STX7: variants seen among roughly 807,000 people sequenced by gnomAD.
The protein encoded by STX7 is syntaxin-7.
STX7 carries 34 observed loss-of-function variants against 39.6 expected under a neutral mutation model. The ratio of observed to expected loss-of-function variants is 0.86; its 90% confidence interval spans 0.65 to 1.14. The LOEUF is 1.14. STX7 is among the 50% of genes most tolerant of loss of function. STX7 has a pLI of 0.00. For synonymous variants in STX7, 119 were observed against 99.1 expected (o/e 1.20, Z -1.19); for missense variants, 284 against 310.4 (o/e 0.92, Z 0.64).
At chr6:132,480,074 C>G (rs1037808301) in intron 2 of STX7, among the ~76,000 whole-genome samples, 1 of 152,094 alleles carries the variant, frequency 6.6e-6, no homozygotes, top group Non-Finnish European at 1.5e-5. Flanking sequence ...TGTGGCCCGT[C>G]CCCACTCCCC....
At chr6:132,493,271 C>T (rs991528418) in intron 2 of STX7, among the ~76,000 whole-genome samples, 1 of 152,042 alleles carries the variant, frequency 6.6e-6, no homozygotes, top group African/African-American at 2.4e-5. Flanking sequence ...AACTAATAGG[C>T]ACACCAATTA....
chr6:132,457,638 C>T lies in STX7; in HGVS notation c.*3120G>A, dbSNP rs898472262. ...TAAAAAGGCCTGGGATTCACAGGCT[C>T]ATTTTTTGTTTTAACTGAATCATGA... is the stretch of plus-strand genomic sequence containing the variant. On this transcript the variant is annotated 3_prime_UTR_variant, in exon 10 of 10. Transcript: ENST00000367941. The T allele has an allele frequency of 1.4e-4, 22 of 152,004 alleles. No individual in the cohort carries two copies. The highest frequency in any genetic ancestry group is 5.3e-4 in the African/African-American group (22 of 41,384). 9.4% of individuals were successfully genotyped at this position (152,004 alleles called of 1,614,324 possible).
intron 9 of STX7, among the ~76,000 whole-genome samples, chr6:132,463,337 T>C (rs1175751624): frequency 6.6e-6 from 1 of 152,254 alleles, no homozygotes; most frequent in Non-Finnish European, 1.5e-5. Context: ...CTTATCCAAT[T>C]TGAACATCAA....
intron 8 of STX7, among the ~76,000 whole-genome samples, chr6:132,466,277 C>G (rs1173826764): frequency 6.6e-6 from 1 of 152,178 alleles, no homozygotes; most frequent in Non-Finnish European, 1.5e-5. Context: ...GTTCTGGAAG[C>G]ACTTTTTTTC....
At chr6:132,503,762 G>T (rs1229272090) in intron 1 of STX7, among the ~76,000 whole-genome samples, 174 bp from the exon 2 acceptor site, 2 of 151,294 alleles carry the variant, frequency 1.3e-5, no homozygotes, top group African/African-American at 4.8e-5. Context: ...AAAAAAAACT[G>T]GACTTCAAAG....
chr6:132,463,870 G>A, intron 9 of STX7, 123 bp downstream of exon 9: 1 of 880,732 alleles, frequency 1.1e-6, no homozygotes. Context: ...TCTTCCATGG[G>A]ATTTTAAATT....
intron 2 of STX7, among the ~76,000 whole-genome samples, chr6:132,501,410 A>C (rs4895940): frequency 0.077 from 11,729 of 151,962 alleles, 559 homozygotes; most frequent in East Asian, 0.15. Context: ...TCATAGCCAG[A>C]CCTTCACATG....
rs116800560 is a variant in STX7, at chr6:132,496,895, A to G, written c.85+6551T>C. ...CTCTGATTCTAATCAGAGAATTGCA[A>G]AGTAAATCATGAGAAACCTATGACT... On this transcript the variant is annotated intron_variant, in intron 2 of 9. Transcript: ENST00000367941. Among the ~76,000 whole-genome samples the G allele has an allele frequency of 7.8e-3, 1,185 of 152,284 alleles. 15 individuals carry two copies. Among genetic ancestry groups the G allele is most frequent in the African/African-American group, 0.027 (1,134 of 41,560 alleles).
At chr6:132,473,365 T>C (rs1347863779) in intron 3 of STX7, among the ~76,000 whole-genome samples, 3 of 152,188 alleles carry the variant, frequency 2.0e-5, no homozygotes, top group Non-Finnish European at 4.4e-5. Flanking sequence ...AAGTCCCTGA[T>C]ATAAAAAGGT....
intron 2 of STX7, among the ~76,000 whole-genome samples, chr6:132,475,994 G>A (rs1219882170): frequency 1.3e-5 from 2 of 152,016 alleles, no homozygotes; most frequent in Non-Finnish European, 2.9e-5. Context: ...TAAAAATTGT[G>A]AGGAAATAAG....
chr6:132,506,091 AT>A (rs891734780), intron 1 of STX7, among the ~76,000 whole-genome samples: 1 of 150,706 alleles, frequency 6.6e-6, no homozygotes, highest in African/African-American at 2.4e-5. Context: ...AAAAAAAAAA[AT>A]CGACTCAAGA....
At chr6:132,482,282 G>A (rs77245634) in intron 2 of STX7, among the ~76,000 whole-genome samples, 3,637 of 152,218 alleles carry the variant, frequency 0.024, 135 homozygotes, top group African/African-American at 0.082. Context: ...GCTTCTGAAC[G>A]TGAACATTAA....
At chr6:132,504,961 G>T (rs1248710038) in intron 1 of STX7, among the ~76,000 whole-genome samples, 1 of 152,218 alleles carries the variant, frequency 6.6e-6, no homozygotes, top group East Asian at 1.9e-4. Flanking sequence ...TTTACAAAAG[G>T]AAGGGAAGGT....
chr6:132,498,785 T>C (rs572736013), intron 2 of STX7, among the ~76,000 whole-genome samples: 1 of 152,350 alleles, frequency 6.6e-6, no homozygotes, highest in South Asian at 2.1e-4. Context: ...GATTTCTGCA[T>C]AGCCCTTATC....
Position 132,447,790 on chromosome 6 carries a change from T to TG in STX7, c.*12967dup, listed in dbSNP as rs1489668415. On this transcript the variant is annotated 3_prime_UTR_variant, in exon 10 of 10. Coordinates refer to ENST00000367941, the MANE Select transcript of STX7 (RefSeq NM_003569.3). ...CTTTCTCTGTCCTTGTACTGTCTTT[T>TG]GTAAACTGTATATATTGAACAAGGT... 1 of 152,132 alleles carries TG rather than the reference T, an allele frequency of 6.6e-6. No individual in the cohort carries two copies. The allele number at this position is 152,132 out of a possible 1,614,324, so 9.4% of individuals were successfully genotyped here.
chr6:132,489,607 G>A (rs1247594745), intron 2 of STX7, among the ~76,000 whole-genome samples: 13 of 152,162 alleles, frequency 8.5e-5, no homozygotes, highest in Non-Finnish European at 1.6e-4. Flanking sequence ...AGACGAGAAA[G>A]TGTGGGAAGG....
chr6:132,469,370 A>G (rs1774649137), intron 7 of STX7, among the ~76,000 whole-genome samples: 1 of 152,178 alleles, frequency 6.6e-6, no homozygotes. Flanking sequence ...TATTTTCTCA[A>G]TACTAAGGTG....
At chr6:132,484,357 ATTAT>A (rs1417393170) in intron 2 of STX7, among the ~76,000 whole-genome samples, 2 of 152,140 alleles carry the variant, frequency 1.3e-5, no homozygotes, top group Non-Finnish European at 2.9e-5. Flanking sequence ...CATCTAGTGG[ATTAT>A]TTAAGAAAAA....
rs1774058453 is a variant in STX7, at chr6:132,448,177, C to G, written c.*12581G>C. 6.6e-6 allele frequency: 1 copy of G among 152,204 alleles called. No homozygotes were observed. Among genetic ancestry groups the G allele is most frequent in the South Asian group, 2.1e-4 (1 of 4,836 alleles). The allele number at this position is 152,204 out of a possible 1,614,324, so 9.4% of individuals were successfully genotyped here. A position where few individuals can be genotyped will look rare whatever the true frequency, so the allele number is the denominator to read the frequency against. ...CTCCCGGACACTTTCCCCACATATA[C>G]ATTTCCTGAGTTATGTAAAATGTTG... On this transcript the variant is annotated 3_prime_UTR_variant, in exon 10 of 10. Coordinates refer to ENST00000367941, the MANE Select transcript of STX7 (RefSeq NM_003569.3).
Sources: gnomAD v4.1 joint callset for allele counts (sites outside exome capture counted in the v4.1 genomes callset) on GRCh38, gnomAD v4.1.1 for gene constraint, MANE v1.5 for transcripts, NCBI Gene and HGNC (gene_info 2026-07-23, HGNC 2026-07-21) for gene names.